The following WDFY1 variants were observed in gnomAD, a reference collection of about 807,000 sequenced individuals.
The protein encoded by WDFY1 is WD repeat and FYVE domain containing 1.
A neutral mutation model predicts 56.4 loss-of-function variants in WDFY1; 32 were observed. That is an observed-to-expected ratio of 0.57 (90% CI 0.43 to 0.76). The LOEUF (loss-of-function observed/expected upper bound fraction) is 0.76, where lower values mean the gene tolerates loss of function less well. Ranked by LOEUF, WDFY1 falls within the 30% of genes least tolerant of loss-of-function variation. The pLI is 0.00. For missense variants in WDFY1, 480 were observed against 545.7 expected (o/e 0.88, Z 1.20); for synonymous variants, 192 against 197.3 (o/e 0.97, Z 0.23).
At chr2:223,925,441 T>A (rs1472873678) in intron 1 of WDFY1, among the ~76,000 whole-genome samples, 1 of 152,192 alleles carries the variant, frequency 6.6e-6, no homozygotes, top group Admixed American at 6.5e-5. Context: ...AAAAAAAAGT[T>A]AACGATCATC....
intron 1 of WDFY1, among the ~76,000 whole-genome samples, chr2:223,934,602 C>A (rs535361948): frequency 1.3e-5 from 2 of 152,138 alleles, no homozygotes; most frequent in African/African-American, 2.4e-5. Flanking sequence ...CCCAGTGCAA[C>A]CTCCACCTCC....
chr2:223,932,879 A>AG (rs398105382), intron 1 of WDFY1, among the ~76,000 whole-genome samples: 1 of 149,852 alleles, frequency 6.7e-6, no homozygotes, highest in African/African-American at 2.5e-5. Flanking sequence ...AAAAAAAAAA[A>AG]GTGTACTTCT....
chr2:223,895,333 A>G (rs549547947), intron 7 of WDFY1, among the ~76,000 whole-genome samples, 171 bp downstream of exon 7: 14 of 152,344 alleles, frequency 9.2e-5, no homozygotes, highest in African/African-American at 3.1e-4. Context: ...GCTACTAAAC[A>G]TCAGACACTC....
chr2:223,919,717 AG>A (rs1363316782), intron 1 of WDFY1, among the ~76,000 whole-genome samples: 9 of 152,356 alleles, frequency 5.9e-5, no homozygotes. Context: ...TGGCATAAGT[AG>A]GAGCTGAATA....
rs554421827 is a variant in WDFY1, at chr2:223,895,484, C to T, written c.725+20G>A. ...CCACTAACTCGGATTCTTTCCCCAC[C>T]CCCACAAGTGGTCACGCACTGATGG... On this transcript the variant is annotated intron_variant, in intron 7 of 11. Coordinates refer to ENST00000233055, the MANE Select transcript of WDFY1 (RefSeq NM_020830.5). The T allele has an allele frequency of 6.2e-7, 1 of 1,613,692 alleles. No individual in the cohort carries two copies. The highest frequency in any genetic ancestry group is 8.5e-7 in the Non-Finnish European group (1 of 1,179,748).
intron 1 of WDFY1, among the ~76,000 whole-genome samples, chr2:223,932,266 G>A (rs184347992): frequency 6.6e-6 from 1 of 151,864 alleles, no homozygotes; most frequent in Non-Finnish European, 1.5e-5. Flanking sequence ...GGGACTACAG[G>A]TGCCTGCCAC....
chr2:223,900,806 G>A (rs1051944768), intron 5 of WDFY1: 2 of 164,064 alleles, frequency 1.2e-5, no homozygotes, highest in Non-Finnish European at 2.6e-5. Flanking sequence ...ACAATAAAAA[G>A]TCTTTCCATT....
At chr2:223,930,529 C>T (rs1222424990) in intron 1 of WDFY1, among the ~76,000 whole-genome samples, 1 of 152,230 alleles carries the variant, frequency 6.6e-6, no homozygotes, top group East Asian at 1.9e-4. Flanking sequence ...CGGGGTTTCA[C>T]CATGTTGACC....
intron 1 of WDFY1, among the ~76,000 whole-genome samples, chr2:223,922,513 T>C (rs1215151821): frequency 6.6e-6 from 1 of 152,246 alleles, no homozygotes; most frequent in Non-Finnish European, 1.5e-5. Flanking sequence ...CAAGGATTCA[T>C]GCAGCAGCAC....
intron 1 of WDFY1, among the ~76,000 whole-genome samples, chr2:223,935,392 T>C (rs1246382907): frequency 6.6e-6 from 1 of 152,206 alleles, no homozygotes; most frequent in Non-Finnish European, 1.5e-5. Context: ...AAGAGATTAT[T>C]TCACCATGAA....
At chr2:223,943,184 TAAAAAAAA>T (rs11311599) in intron 1 of WDFY1, among the ~76,000 whole-genome samples, 12 of 137,184 alleles carry the variant, frequency 8.7e-5, no homozygotes, top group African/African-American at 3.3e-4. Context: ...GCCTCCATCT[TAAAAAAAA>T]AAAAAAAAAG....
At chr2:223,879,081 A>G (rs1354079768) in intron 11 of WDFY1, among the ~76,000 whole-genome samples, 4 of 152,202 alleles carry the variant, frequency 2.6e-5, no homozygotes, top group African/African-American at 9.6e-5. Flanking sequence ...CAGCCACTCA[A>G]GAGGCTGAGG....
chr2:223,882,562 A>C (rs1247450168), intron 9 of WDFY1, among the ~76,000 whole-genome samples: 2 of 152,170 alleles, frequency 1.3e-5, no homozygotes, highest in Non-Finnish European at 2.9e-5. Context: ...ATTTCCAAAA[A>C]ACTTTGCTGT....
At chr2:223,878,810 G>T in intron 11 of WDFY1, 80 bp from the exon 12 acceptor site, 2 of 1,515,956 alleles carry the variant, frequency 1.3e-6, no homozygotes, top group South Asian at 2.3e-5. Context: ...ACAAACAAAC[G>T]ACTGTTAAAC....
At chr2:223,908,831 T>C (rs548470) in intron 3 of WDFY1, among the ~76,000 whole-genome samples, 133,411 of 152,162 alleles carry the variant, frequency 0.88, 59,023 homozygotes, top group Non-Finnish European at 0.95. Flanking sequence ...AGACAGCTAA[T>C]TCCTGGCTAG....
chr2:223,932,323 C>T (rs1000936443), intron 1 of WDFY1, among the ~76,000 whole-genome samples: 21 of 150,868 alleles, frequency 1.4e-4, no homozygotes, highest in Middle Eastern at 3.2e-3. Context: ...AGGGTTTCAC[C>T]GTGTTAGCCA....
intron 4 of WDFY1, among the ~76,000 whole-genome samples, chr2:223,902,396 C>T (rs1693520758): frequency 6.6e-6 from 1 of 152,112 alleles, no homozygotes. Flanking sequence ...GACCCCACCT[C>T]TACAGAAAAT....
At chr2:223,883,232 C>A (rs1001885507) in intron 9 of WDFY1, among the ~76,000 whole-genome samples, 2 of 152,100 alleles carry the variant, frequency 1.3e-5, no homozygotes, top group African/African-American at 4.8e-5. Flanking sequence ...AACTAATGCC[C>A]ATAATCATGT....
Position 223,876,544 on chromosome 2 carries a change from T to C in WDFY1, c.*2127A>G, listed in dbSNP as rs1261906447. Reference sequence around the variant, plus strand: ...TCAGCCTTTCCTTTTCTAAGATACGTCACTCCAATTCTTCCTTAAATATAA... The same window carrying C: ...TCAGCCTTTCCTTTTCTAAGATACGCCACTCCAATTCTTCCTTAAATATAA... On this transcript the variant is annotated 3_prime_UTR_variant, in exon 12 of 12. Transcript: ENST00000233055. 2.6e-5 allele frequency: 4 copies of C among 152,244 alleles called. No homozygotes were observed. The highest frequency in any genetic ancestry group is 5.9e-5 in the Non-Finnish European group (4 of 68,016). The allele number at this position is 152,244 out of a possible 1,614,324, so 9.4% of individuals were successfully genotyped here. A position where few individuals can be genotyped will look rare whatever the true frequency, so the allele number is the denominator to read the frequency against.
Sources: allele counts gnomAD v4.1 joint callset (sites outside exome capture counted in the v4.1 genomes callset), GRCh38; gene constraint gnomAD v4.1.1; transcripts MANE v1.5; gene names NCBI Gene and HGNC (gene_info 2026-07-23, HGNC 2026-07-21).